The following CNST variants were observed in gnomAD, a reference collection of about 807,000 sequenced individuals.
CNST encodes the protein consortin, connexin sorting protein.
CNST carries 39 observed loss-of-function variants against 72.4 expected under a neutral mutation model. The ratio of observed to expected loss-of-function variants is 0.54; its 90% CI spans 0.42 to 0.70. The LOEUF (loss-of-function observed/expected upper bound fraction) is 0.70. CNST is among the 30% of genes least tolerant of loss of function. The pLI, the probability that CNST is intolerant of heterozygous loss-of-function variation, is 0.00. For missense variants in CNST, 871 were observed against 868.5 expected (o/e 1.00, Z -0.04); for synonymous variants, 332 against 320.1 (o/e 1.04, Z -0.40).
At chr1:246,628,928 A>G (rs1381729293) in intron 3 of CNST, among the ~76,000 whole-genome samples, 3 of 152,186 alleles carry the variant, frequency 2.0e-5, no homozygotes, top group African/African-American at 4.8e-5. Context: ...GCATCTTGCA[A>G]TTCATTCCAA....
chr1:246,635,999 C>T (rs1200789380), intron 6 of CNST, among the ~76,000 whole-genome samples: 1 of 152,182 alleles, frequency 6.6e-6, no homozygotes. Context: ...AGCCTGGGTT[C>T]CCCATATCCA....
At chr1:246,632,362 G>C (rs1454298217) in intron 4 of CNST, 2 of 270,474 alleles carry the variant, frequency 7.4e-6, no homozygotes, top group Non-Finnish European at 1.5e-5. Flanking sequence ...GAATCTCGTC[G>C]TATCTGTCGT....
At chr1:246,580,485 G>T (rs992237533) in intron 1 of CNST, among the ~76,000 whole-genome samples, 1 of 151,880 alleles carries the variant, frequency 6.6e-6, no homozygotes, top group Middle Eastern at 3.2e-3. Flanking sequence ...TTATGAAATT[G>T]CACTTCTCTG....
intron 3 of CNST, among the ~76,000 whole-genome samples, chr1:246,627,250 T>C (rs1664497637): frequency 6.6e-6 from 1 of 152,248 alleles, no homozygotes; most frequent in African/African-American, 2.4e-5. Flanking sequence ...TCATTTAGAA[T>C]AAAAGCCAAA....
Position 246,647,317 on chromosome 1 carries a change from G to A in CNST, c.1116G>A (p.Ala372=), listed in dbSNP as rs3795473. ...TCTGCAGCGCTGAAGCCACGTTAGC[G>A]CTCCACACCCAGTCCTCCGAGACAG... ...ELLCSAEATL[A]LHTQSSETAG... The change falls in exon 9 of 11, where the codon GCG becomes GCA. Residue 372 remains alanine (A), a synonymous_variant. Coordinates refer to ENST00000366513, the MANE Select transcript of CNST (RefSeq NM_152609.3). The A allele has an allele frequency of 5.5e-4, 886 of 1,614,084 alleles. No homozygotes were observed. Among genetic ancestry groups the A allele is most frequent in the Non-Finnish European group, 6.4e-4 (752 of 1,180,028 alleles).
At chr1:246,576,974 C>T (rs968538897) in intron 1 of CNST, among the ~76,000 whole-genome samples, 1 of 152,000 alleles carries the variant, frequency 6.6e-6, no homozygotes, top group Non-Finnish European at 1.5e-5. Context: ...TTGGAAGTCT[C>T]ATTCTAACAT....
intron 1 of CNST, among the ~76,000 whole-genome samples, chr1:246,580,890 G>A (rs546075476): frequency 1.1e-4 from 17 of 151,988 alleles, no homozygotes; most frequent in South Asian, 8.3e-4. Context: ...ACAGGCGCGC[G>A]CCACCACACC....
chr1:246,609,069 G>C (rs1043546130), intron 2 of CNST, among the ~76,000 whole-genome samples: 1 of 152,120 alleles, frequency 6.6e-6, no homozygotes, highest in Non-Finnish European at 1.5e-5. Context: ...GGTGCAACCC[G>C]GGGGTGTGGG....
At chr1:246,585,707 ACACAC>A (rs1558533781) in intron 1 of CNST, among the ~76,000 whole-genome samples, 7 of 113,136 alleles carry the variant, frequency 6.2e-5, no homozygotes, top group African/African-American at 1.3e-4. Context: ...ACACACACAC[ACACAC>A]TATATATGTA....
chr1:246,603,403 T>A (rs1000584073), intron 2 of CNST, among the ~76,000 whole-genome samples: 1 of 152,234 alleles, frequency 6.6e-6, no homozygotes, highest in African/African-American at 2.4e-5. Flanking sequence ...GATCACGATC[T>A]CTACAAAGAG....
chr1:246,653,355 G>A (rs778078595), intron 9 of CNST, among the ~76,000 whole-genome samples: 1 of 152,224 alleles, frequency 6.6e-6, no homozygotes, highest in Non-Finnish European at 1.5e-5. Context: ...TGGGAGGCTA[G>A]CACTAAGCAG....
In CNST at chr1:246,647,838, A is replaced by C. The variant is rs1171936704; in HGVS notation, c.1637A>C (p.Asp546Ala). Residue 546 changes from aspartate to alanine, a missense_variant, in exon 9 of 11, where the codon GAC becomes GCC. By Grantham distance (126) the Asp-to-Ala change is moderately radical. Transcript: ENST00000366513. ...KDDQLNKETE[D>A]YLNSLLEGCL... ...GACCAACTCAACAAAGAAACAGAAG[A>C]CTATTTGAACAGCCTTTTAGAAGGA... The C allele has an allele frequency of 6.2e-7, 1 of 1,614,192 alleles. No homozygotes were observed. The highest frequency in any genetic ancestry group is 1.3e-5 in the African/African-American group (1 of 75,054).
At chr1:246,635,283 GT>G (rs1167032810) in intron 6 of CNST, among the ~76,000 whole-genome samples, 1 of 151,158 alleles carries the variant, frequency 6.6e-6, no homozygotes, top group Non-Finnish European at 1.5e-5. Flanking sequence ...CAGGAGCATC[GT>G]CTGGATTGTC....
intron 1 of CNST, among the ~76,000 whole-genome samples, chr1:246,568,777 A>G (rs1659880442): frequency 6.6e-6 from 1 of 152,196 alleles, no homozygotes; most frequent in Non-Finnish European, 1.5e-5. Flanking sequence ...GAGTTTCGCC[A>G]TGTTGGCCAG....
intron 1 of CNST, 151 bp downstream of exon 1, chr1:246,566,814 C>A: frequency 2.5e-6 from 1 of 397,324 alleles, no homozygotes; most frequent in Non-Finnish European, 4.4e-6. Flanking sequence ...GGTCCCCTTA[C>A]CTCCTCCGCC....
intron 5 of CNST, 116 bp from the exon 6 acceptor site, chr1:246,634,357 A>C: frequency 1.6e-6 from 1 of 620,430 alleles, no homozygotes; most frequent in South Asian, 2.3e-5. Flanking sequence ...GGGTTGTTTG[A>C]AAAGATAATT....
chr1:246,626,891 T>C (rs1664474580), intron 3 of CNST, among the ~76,000 whole-genome samples: 1 of 152,212 alleles, frequency 6.6e-6, no homozygotes, highest in African/African-American at 2.4e-5. Context: ...GTCTTACCTC[T>C]CTTGTTAAAT....
chr1:246,645,125 A>G (rs540438529), intron 8 of CNST, among the ~76,000 whole-genome samples: 11 of 152,230 alleles, frequency 7.2e-5, no homozygotes, highest in African/African-American at 2.6e-4. Context: ...ACTCTACTGA[A>G]TAGCTACCTC....
rs972946022 is a variant in CNST, at chr1:246,667,537, A to C, written c.*1632A>C. 6.6e-6 allele frequency: 1 copy of C among 152,240 alleles called. No individual in the cohort carries two copies. Among genetic ancestry groups the C allele is most frequent in the Non-Finnish European group, 1.5e-5 (1 of 68,052 alleles). 9.4% of individuals were successfully genotyped at this position (152,240 alleles called of 1,614,324 possible). On this transcript the variant is annotated 3_prime_UTR_variant, in exon 11 of 11. Transcript: ENST00000366513. ...AATATTTTCAAGGGTTATAGATCAAAGATATTTATTTAGAAATGTACAAGA... is the reference window on the plus strand; with the variant it reads ...AATATTTTCAAGGGTTATAGATCAACGATATTTATTTAGAAATGTACAAGA...
Sources: allele counts gnomAD v4.1 joint callset (sites outside exome capture counted in the v4.1 genomes callset), GRCh38; gene constraint gnomAD v4.1.1; transcripts MANE v1.5; gene names NCBI Gene and HGNC (gene_info 2026-07-23, HGNC 2026-07-21).